Variants in IGSF10 observed in about 807,000 individuals in gnomAD.
The protein encoded by IGSF10 is immunoglobulin superfamily member 10, also known as calvaria mechanical force protein 608.
IGSF10 carries 126 observed loss-of-function variants against 128.2 expected under a neutral mutation model. The ratio of observed to expected loss-of-function variants is 0.98; its 90% CI spans 0.85 to 1.14. The LOEUF is 1.14. Among genes scored for constraint, IGSF10 ranks in the 50% most tolerant of loss-of-function variants. The pLI is 0.00. For missense variants in IGSF10, 3,295 were observed against 3,149.8 expected (o/e 1.05, Z -1.10); for synonymous variants, 1,185 against 1,146.2 (o/e 1.03, Z -0.68).
At chr3:151,473,503 C>A in the IGSF10 span, among the ~76,000 whole-genome samples, 1 of 152,156 alleles carries the variant, frequency 6.6e-6, no homozygotes. Context: ...ATCATGCACT[C>A]AAGATTTGGG....
chr3:151,615,898 G>A, the IGSF10 span, among the ~76,000 whole-genome samples: 4 of 150,310 alleles, frequency 2.7e-5, no homozygotes, highest in South Asian at 2.1e-4. Context: ...ATAGGGATTC[G>A]TTTATTTATC....
At chr3:151,616,264 G>A in the IGSF10 span, among the ~76,000 whole-genome samples, 1 of 152,018 alleles carries the variant, frequency 6.6e-6, no homozygotes, top group East Asian at 1.9e-4. Context: ...ACCGTGCCTG[G>A]CACTAAATAT....
upstream of IGSF10, among the ~76,000 whole-genome samples, chr3:151,463,532 T>G (rs1044943994): frequency 0.021 from 1,342 of 65,248 alleles, 34 homozygotes; most frequent in African/African-American, 0.042. Flanking sequence ...GGTTTTTTTT[T>G]TTTTTTTTTT....
chr3:151,520,454 G>A, the IGSF10 span, among the ~76,000 whole-genome samples: 1 of 151,720 alleles, frequency 6.6e-6, no homozygotes, highest in African/African-American at 2.4e-5. Context: ...GTCACTGGTA[G>A]AAGTATTCTG....
At chr3:151,570,540 A>G in the IGSF10 span, among the ~76,000 whole-genome samples, 1 of 152,132 alleles carries the variant, frequency 6.6e-6, no homozygotes, top group East Asian at 1.9e-4. Flanking sequence ...CTTCTTTTGA[A>G]AAGTGTCTGT....
At chr3:151,507,811 A>C in the IGSF10 span, among the ~76,000 whole-genome samples, 2 of 152,206 alleles carry the variant, frequency 1.3e-5, no homozygotes, top group Non-Finnish European at 2.9e-5. Context: ...GAACACAGTT[A>C]AATCATATTA....
intron 5 of IGSF10, among the ~76,000 whole-genome samples, chr3:151,450,251 A>G (rs1312579010): frequency 6.6e-6 from 1 of 152,272 alleles, no homozygotes; most frequent in African/African-American, 2.4e-5. Context: ...GGTAAGAGGT[A>G]TAGACTTTTC....
At chr3:151,488,741 T>C in the IGSF10 span, among the ~76,000 whole-genome samples, 5 of 152,200 alleles carry the variant, frequency 3.3e-5, no homozygotes, top group Non-Finnish European at 7.4e-5. Flanking sequence ...CCTTATTTAA[T>C]AAAGGATGTT....
intron 5 of IGSF10, among the ~76,000 whole-genome samples, chr3:151,450,185 A>G (rs962734298): frequency 1.3e-5 from 2 of 152,228 alleles, no homozygotes; most frequent in Non-Finnish European, 2.9e-5. Flanking sequence ...ATCACATACC[A>G]TTTAAAAGCT....
At position 151,438,470 on chromosome 3, in the gene IGSF10, C is replaced by CAT. The variant is rs1373283370; in HGVS notation, c.6089_6090dup (p.Val2031MetfsTer4). On this transcript the variant is annotated frameshift_variant, in exon 8 of 8. Coordinates refer to ENST00000282466, the MANE Select transcript of IGSF10 (RefSeq NM_178822.5). LOFTEE classifies it low-confidence loss of function (END_TRUNC). The stretch of plus-strand genomic sequence containing the variant: ...TTGGCAGGTTTCAGTCTTAGGCTAA[C>CAT]ATGCATCAGTATCAGATCATCCCCC... 2 of 1,614,066 alleles carry CAT rather than the reference C, an allele frequency of 1.2e-6. No individual in the cohort carries two copies. Among genetic ancestry groups the CAT allele is most frequent in the East Asian group, 4.5e-5 (2 of 44,890 alleles).
At chr3:151,528,827 G>T in the IGSF10 span, among the ~76,000 whole-genome samples, 1 of 148,952 alleles carries the variant, frequency 6.7e-6, no homozygotes, top group Non-Finnish European at 1.5e-5. Context: ...TCATACCCCA[G>T]TGTACCTGGA....
rs779602494 is a variant in IGSF10 at position 151,443,774 on chromosome 3, C to G, written c.5173G>C (p.Ala1725Pro). The G allele has an allele frequency of 1.9e-6, 3 of 1,614,108 alleles. No homozygotes were observed. The Admixed American group carries it at 5.0e-5, about 27-fold the overall frequency. Residue 1725 changes from alanine to proline, a missense_variant, in exon 7 of 8, where the codon GCA becomes CCA. Ala to Pro is a conservative substitution (Grantham distance 27). Transcript: ENST00000282466. Reference sequence around the variant, plus strand: ...TGGTCTGTGCCAAACAGATTGGATGCGGAACACAAGTACTGTCCGCGGTCC... The same window carrying G: ...TGGTCTGTGCCAAACAGATTGGATGGGGAACACAAGTACTGTCCGCGGTCC... ...IQDRGQYLCS[A>P]SNLFGTDHLH...
chr3:151,480,152 C>A, the IGSF10 span, among the ~76,000 whole-genome samples: 1 of 152,132 alleles, frequency 6.6e-6, no homozygotes, highest in Non-Finnish European at 1.5e-5. Context: ...CCACTAAATC[C>A]TCCCGCCAAA....
the IGSF10 span, among the ~76,000 whole-genome samples, chr3:151,474,332 C>T: frequency 2.0e-5 from 3 of 152,294 alleles, no homozygotes; most frequent in African/African-American, 7.2e-5. Flanking sequence ...AAAGAAATCT[C>T]TCAAGAGAAA....
intron 4 of IGSF10, among the ~76,000 whole-genome samples, chr3:151,455,409 G>A (rs555733836): frequency 1.1e-4 from 17 of 151,948 alleles, no homozygotes; most frequent in South Asian, 4.2e-4. Context: ...CACTGCGCCC[G>A]GCCTAAAGTT....
At chr3:151,600,462 CAATT>C in the IGSF10 span, among the ~76,000 whole-genome samples, 4 of 152,136 alleles carry the variant, frequency 2.6e-5, no homozygotes, top group African/African-American at 9.6e-5. Context: ...TTCCCTTAGT[CAATT>C]AATATGATTT....
the IGSF10 span, among the ~76,000 whole-genome samples, chr3:151,483,304 G>C: frequency 6.6e-6 from 1 of 152,010 alleles, no homozygotes; most frequent in African/African-American, 2.4e-5. Context: ...ACATAAATAG[G>C]GGAAGGATAA....
downstream of IGSF10, chr3:151,433,973 T>TATTA (rs1181589661): frequency 6.6e-6 from 1 of 152,664 alleles, no homozygotes; most frequent in African/African-American, 2.4e-5. Context: ...AATTTGCTCC[T>TATTA]ATTAGAGTAA....
chr3:151,579,783 A>G, the IGSF10 span, among the ~76,000 whole-genome samples: 2 of 151,654 alleles, frequency 1.3e-5, no homozygotes, highest in Non-Finnish European at 2.9e-5. Context: ...CAGATCCAAG[A>G]AGCTCAGAGC....
Sources: allele counts gnomAD v4.1 joint callset (sites outside exome capture counted in the v4.1 genomes callset), GRCh38; gene constraint gnomAD v4.1.1; transcripts MANE v1.5; gene names NCBI Gene and HGNC (gene_info 2026-07-23, HGNC 2026-07-21).